Variants in KCNB2 observed in about 807,000 individuals in gnomAD.
KCNB2 encodes the protein potassium voltage-gated channel subfamily B member 2, also known as delayed rectifier potassium channel protein.
Under a neutral mutation model 61.5 loss-of-function variants are expected in KCNB2, and 15 were observed. The ratio of observed to expected loss-of-function variants is 0.24; its 90% CI spans 0.16 to 0.38. The LOEUF is 0.38. Ranked by LOEUF, KCNB2 falls within the 10% of genes least tolerant of loss-of-function variation. KCNB2 has a pLI of 1.00. For missense variants in KCNB2, 828 were observed against 1,125.2 expected (o/e 0.74, Z 3.78); for synonymous variants, 457 against 446.0 (o/e 1.02, Z -0.31).
At chr8:72,850,838 A>G (rs1007075513) in intron 2 of KCNB2, among the ~76,000 whole-genome samples, 1 of 152,240 alleles carries the variant, frequency 6.6e-6, no homozygotes, top group African/African-American at 2.4e-5. Context: ...TGATTGTCAA[A>G]TAAGACAGAC....
At chr8:72,566,452 C>A (rs1806626745) in intron 1 of KCNB2, among the ~76,000 whole-genome samples, 4 of 151,802 alleles carry the variant, frequency 2.6e-5, no homozygotes, top group Non-Finnish European at 5.9e-5. Flanking sequence ...GTAATCCCAG[C>A]ACTTTGGGAG....
At chr8:72,915,757 A>G (rs965947656) in intron 2 of KCNB2, among the ~76,000 whole-genome samples, 1 of 151,956 alleles carries the variant, frequency 6.6e-6, no homozygotes, top group African/African-American at 2.4e-5. Flanking sequence ...GTCTCTCTTA[A>G]AAATACAAAA....
At chr8:72,704,088 A>T (rs891341235) in intron 2 of KCNB2, among the ~76,000 whole-genome samples, 1 of 152,202 alleles carries the variant, frequency 6.6e-6, no homozygotes, top group Non-Finnish European at 1.5e-5. Context: ...TTCTTGGATA[A>T]TGTCAGTGAC....
chr8:72,725,610 T>TATAC (rs1807636964), intron 2 of KCNB2, among the ~76,000 whole-genome samples: 5 of 143,490 alleles, frequency 3.5e-5, no homozygotes, highest in African/African-American at 1.0e-4. Flanking sequence ...TATATATATA[T>TATAC]ATATATATAT....
chr8:72,714,329 G>A (rs987584001), intron 2 of KCNB2, among the ~76,000 whole-genome samples: 152 of 152,094 alleles, frequency 1.0e-3, no homozygotes, highest in Middle Eastern at 3.4e-3. Context: ...GATACTCCTC[G>A]AGAAGAGCAA....
chr8:72,812,688 T>C (rs1335230610), intron 2 of KCNB2, among the ~76,000 whole-genome samples: 1 of 152,086 alleles, frequency 6.6e-6, no homozygotes, highest in Non-Finnish European at 1.5e-5. Flanking sequence ...ATAAATTATA[T>C]TAATAAATAG....
intron 2 of KCNB2, among the ~76,000 whole-genome samples, chr8:72,660,284 C>A (rs1472617634): frequency 1.3e-5 from 2 of 152,150 alleles, no homozygotes; most frequent in Non-Finnish European, 2.9e-5. Context: ...TCTGCCAGCG[C>A]ATGGAGCCCC....
In KCNB2 at chr8:72,937,966, G is replaced by C; in HGVS notation, c.2611G>C (p.Val871Leu). Residue 871 changes from valine to leucine, a missense_variant, in exon 3 of 3, where the codon GTG (valine) becomes CTG (leucine). This residue lies in a region of KCNB2 where 559 missense variants were observed against 588.4 expected (regional missense o/e 0.95). Transcript: ENST00000523207. ...HNCRQDIYHAVSEVKKDSSQE... is the reference protein window; with the variant it reads ...HNCRQDIYHALSEVKKDSSQE... ...CTGTAGGCAAGACATTTACCATGCT[G>C]TGAGTGAAGTCAAAAAGGACAGTAG... The C allele has an allele frequency of 6.2e-7, 1 of 1,614,088 alleles. No individual in the cohort carries two copies.
chr8:72,592,542 G>A (rs1020369951), intron 2 of KCNB2, among the ~76,000 whole-genome samples: 1 of 151,914 alleles, frequency 6.6e-6, no homozygotes, highest in African/African-American at 2.4e-5. Context: ...CTGCTCACAA[G>A]TATATTTTTT....
At chr8:72,710,743 T>C (rs1807313258) in intron 2 of KCNB2, among the ~76,000 whole-genome samples, 1 of 152,200 alleles carries the variant, frequency 6.6e-6, no homozygotes, top group Non-Finnish European at 1.5e-5. Flanking sequence ...AAAAATTTCT[T>C]AAGATGTTAT....
intron 1 of KCNB2, among the ~76,000 whole-genome samples, chr8:72,538,627 A>T (rs1806148629): frequency 6.6e-6 from 1 of 152,254 alleles, no homozygotes; most frequent in Admixed American, 6.5e-5. Flanking sequence ...GTAATAATGC[A>T]TACAAGATTA....
chr8:72,863,742 G>A (rs936886471), intron 2 of KCNB2, among the ~76,000 whole-genome samples: 15 of 152,242 alleles, frequency 9.9e-5, no homozygotes, highest in Admixed American at 2.6e-4. Context: ...GGACATGGTG[G>A]CTTATGCCTA....
intron 2 of KCNB2, among the ~76,000 whole-genome samples, chr8:72,799,996 G>C (rs997185166): frequency 2.0e-5 from 3 of 152,144 alleles, no homozygotes; most frequent in African/African-American, 7.2e-5. Flanking sequence ...GGGCTAGCTG[G>C]TTGAGGCCAG....
intron 2 of KCNB2, among the ~76,000 whole-genome samples, chr8:72,589,361 GAAAA>G (rs773334055): frequency 6.6e-6 from 1 of 150,878 alleles, no homozygotes; most frequent in Admixed American, 6.6e-5. Flanking sequence ...AAGAAAAAAA[GAAAA>G]AAAAAGAGAA....
intron 2 of KCNB2, among the ~76,000 whole-genome samples, chr8:72,759,185 A>G (rs1332501666): frequency 6.6e-6 from 1 of 152,164 alleles, no homozygotes; most frequent in Non-Finnish European, 1.5e-5. Context: ...AGAGGGAAGG[A>G]TGTGAATCTT....
At chr8:72,627,847 A>T (rs1298571140) in intron 2 of KCNB2, among the ~76,000 whole-genome samples, 1 of 152,204 alleles carries the variant, frequency 6.6e-6, no homozygotes, top group Non-Finnish European at 1.5e-5. Context: ...GATAAAATAT[A>T]GTATTTATTG....
intron 2 of KCNB2, among the ~76,000 whole-genome samples, chr8:72,714,221 C>G (rs894388398): frequency 3.3e-5 from 5 of 152,168 alleles, no homozygotes; most frequent in African/African-American, 4.8e-5. Context: ...ATGAAACCAA[C>G]TTGGAAAACA....
intron 2 of KCNB2, among the ~76,000 whole-genome samples, chr8:72,688,361 G>C (rs891889107): frequency 6.6e-6 from 1 of 152,054 alleles, no homozygotes; most frequent in African/African-American, 2.4e-5. Flanking sequence ...GCATCAAGCT[G>C]TTTCATCCCT....
chr8:72,872,954 C>G (rs1360012735), intron 2 of KCNB2, among the ~76,000 whole-genome samples: 1 of 152,158 alleles, frequency 6.6e-6, no homozygotes, highest in Admixed American at 6.5e-5. Flanking sequence ...TCGTTGAATT[C>G]CCAGTGCCTC....
Sources: gnomAD v4.1 joint callset for allele counts (sites outside exome capture counted in the v4.1 genomes callset) on GRCh38, gnomAD v4.1.1 for gene constraint, gnomAD v4.1.1 regional missense constraint, MANE v1.5 for transcripts, NCBI Gene and HGNC (gene_info 2026-07-23, HGNC 2026-07-21) for gene names.